The following DLGAP2 variants were observed in gnomAD, a reference collection of about 807,000 sequenced individuals.
DLGAP2 encodes the protein DLG associated protein 2.
DLGAP2 carries 26 observed loss-of-function variants against 100.3 expected under a neutral mutation model. The observed-to-expected ratio is 0.26, with a 90% CI of 0.19 to 0.36. The LOEUF is 0.36. Among genes scored for constraint, DLGAP2 ranks in the 10% least tolerant of loss-of-function variants. The pLI, the probability that DLGAP2 is intolerant of heterozygous loss-of-function variation, is 1.00. For synonymous variants in DLGAP2, 886 were observed against 630.1 expected, an observed-to-expected ratio of 1.41 and a Z score of -6.08; for missense variants, 1,858 against 1,453.2, an observed-to-expected ratio of 1.28 and a Z score of -4.53.
At chr8:1,486,595 G>A (rs1343916969) in intron 3 of DLGAP2, among the ~76,000 whole-genome samples, 3 of 150,546 alleles carry the variant, frequency 2.0e-5, no homozygotes, top group Non-Finnish European at 3.0e-5. Flanking sequence ...GCGGAGATGC[G>A]GCGGCGGCTC....
intron 1 of DLGAP2, among the ~76,000 whole-genome samples, chr8:806,729 G>T (rs945090411): frequency 3.3e-5 from 5 of 152,196 alleles, no homozygotes; most frequent in Non-Finnish European, 5.9e-5. Context: ...CATTTGCTTC[G>T]CGTAACCATT....
chr8:1,691,388 A>G, intron 12 of DLGAP2, 147 bp from the exon 13 acceptor site: 1 of 647,500 alleles, frequency 1.5e-6, no homozygotes. Flanking sequence ...CTAAGGCACG[A>G]GTCACCAGCG....
chr8:1,203,977 G>T (rs370204307), intron 2 of DLGAP2, among the ~76,000 whole-genome samples: 135 of 152,330 alleles, frequency 8.9e-4, no homozygotes, highest in African/African-American at 3.0e-3. Context: ...TTCCAAAAAG[G>T]CGTTCTTTTG....
chr8:1,516,660 T>C (rs202132777), intron 4 of DLGAP2, among the ~76,000 whole-genome samples: 6 of 151,106 alleles, frequency 4.0e-5, no homozygotes, highest in Non-Finnish European at 8.9e-5. Context: ...ACTGAGTGAA[T>C]GAGTGGGTGA....
intron 3 of DLGAP2, among the ~76,000 whole-genome samples, chr8:1,283,697 G>T (rs1486839122): frequency 6.6e-6 from 1 of 152,150 alleles, no homozygotes; most frequent in African/African-American, 2.4e-5. Flanking sequence ...TTTTGAAAAT[G>T]TTCATGCCCT....
intron 1 of DLGAP2, among the ~76,000 whole-genome samples, chr8:853,681 C>T (rs1585934142): frequency 1.3e-5 from 2 of 152,340 alleles, no homozygotes; most frequent in South Asian, 4.1e-4. Flanking sequence ...AGCCACACCG[C>T]CCCGTGCACA....
intron 1 of DLGAP2, among the ~76,000 whole-genome samples, chr8:860,497 G>C (rs575479169): frequency 7.2e-5 from 11 of 152,154 alleles, no homozygotes; most frequent in African/African-American, 2.7e-4. Context: ...ACTTCGCTGG[G>C]GCCGTAGAGA....
intron 3 of DLGAP2, among the ~76,000 whole-genome samples, chr8:1,463,460 C>T (rs1475813539): frequency 6.6e-6 from 1 of 152,204 alleles, no homozygotes; most frequent in Non-Finnish European, 1.5e-5. Context: ...CCAGGAACTC[C>T]CTTCGAACCC....
chr8:837,171 G>C (rs1479000253), intron 1 of DLGAP2, among the ~76,000 whole-genome samples: 4 of 152,212 alleles, frequency 2.6e-5, no homozygotes, highest in African/African-American at 9.6e-5. Flanking sequence ...GGGGATCCCG[G>C]GAGCGGATGC....
At chr8:1,099,855 C>T (rs1804517985) in intron 2 of DLGAP2, among the ~76,000 whole-genome samples, 1 of 152,206 alleles carries the variant, frequency 6.6e-6, no homozygotes, top group Non-Finnish European at 1.5e-5. Context: ...CATAGACATG[C>T]ATTCAAAATC....
At chr8:1,155,970 C>T (rs191825781) in intron 2 of DLGAP2, among the ~76,000 whole-genome samples, 5 of 152,308 alleles carry the variant, frequency 3.3e-5, no homozygotes, top group Admixed American at 2.0e-4. Flanking sequence ...TCCTGCGCTG[C>T]CCCTGACGGA....
chr8:1,575,740 T>C (rs930678504), intron 6 of DLGAP2, among the ~76,000 whole-genome samples: 2 of 151,090 alleles, frequency 1.3e-5, no homozygotes, highest in Non-Finnish European at 2.9e-5. Flanking sequence ...GTTCTTGTGA[T>C]AGTTTGCTCA....
At chr8:946,437 G>A (rs1799324408) in intron 2 of DLGAP2, among the ~76,000 whole-genome samples, 1 of 151,800 alleles carries the variant, frequency 6.6e-6, no homozygotes, top group Admixed American at 6.6e-5. Context: ...CTAATTTTTT[G>A]TAGTTTTTGT....
intron 6 of DLGAP2, among the ~76,000 whole-genome samples, chr8:1,604,246 C>T (rs188713431): frequency 1.7e-3 from 255 of 152,288 alleles, no homozygotes; most frequent in African/African-American, 5.8e-3. Context: ...CTGGAGTTTG[C>T]TGAAAATGTA....
At chr8:1,286,867 A>G (rs1288205080) in intron 3 of DLGAP2, among the ~76,000 whole-genome samples, 1 of 152,266 alleles carries the variant, frequency 6.6e-6, no homozygotes, top group East Asian at 1.9e-4. Flanking sequence ...GCACAAGTGC[A>G]TTCGAGGAGA....
chr8:1,447,540 A>C (rs1171628742), intron 3 of DLGAP2, among the ~76,000 whole-genome samples: 1 of 152,162 alleles, frequency 6.6e-6, no homozygotes, highest in East Asian at 1.9e-4. Context: ...TATTGGTGTA[A>C]AATTCTCTTT....
chr8:768,854 T>TA (rs1327099742), intron 1 of DLGAP2, among the ~76,000 whole-genome samples: 1 of 152,186 alleles, frequency 6.6e-6, no homozygotes, highest in Non-Finnish European at 1.5e-5. Context: ...ATTGGCTACT[T>TA]ACATCATTTC....
At chr8:1,650,116 T>C (rs913347031) in intron 8 of DLGAP2, among the ~76,000 whole-genome samples, 4 of 152,220 alleles carry the variant, frequency 2.6e-5, no homozygotes, top group Non-Finnish European at 2.9e-5. Context: ...AAACGAGTAT[T>C]TCTTGTATCC....
chr8:1,317,919 G>T (rs1800801389), intron 3 of DLGAP2, among the ~76,000 whole-genome samples: 2 of 107,964 alleles, frequency 1.9e-5, no homozygotes, highest in Non-Finnish European at 3.7e-5. Flanking sequence ...CTACACTCGA[G>T]ACACTCGTCA....
Sources: allele counts gnomAD v4.1 joint callset (sites outside exome capture counted in the v4.1 genomes callset), GRCh38; gene constraint gnomAD v4.1.1; transcripts MANE v1.5; gene names NCBI Gene and HGNC (gene_info 2026-07-23, HGNC 2026-07-21).